Variants in STIM2 observed in about 807,000 individuals in gnomAD.
STIM2 encodes stromal interaction molecule 2.
Under a neutral mutation model 85.8 loss-of-function variants are expected in STIM2, and 31 were observed. The observed-to-expected ratio is 0.36, with a 90% CI of 0.27 to 0.49. The LOEUF (loss-of-function observed/expected upper bound fraction) is 0.49, where lower values mean the gene tolerates loss of function less well. STIM2 is among the 20% of genes least tolerant of loss of function. STIM2 has a pLI of 0.98. For synonymous variants in STIM2, 356 were observed against 331.1 expected (o/e 1.08, Z -0.82); for missense variants, 841 against 927.6 (o/e 0.91, Z 1.21).
chr4:26,964,139 G>C (rs1326645717), intron 3 of STIM2, among the ~76,000 whole-genome samples: 1 of 152,154 alleles, frequency 6.6e-6, no homozygotes, highest in Non-Finnish European at 1.5e-5. Flanking sequence ...GTCAGAGAAG[G>C]AGACCAGACT....
chr4:26,885,149 C>G (rs937696959), intron 1 of STIM2, among the ~76,000 whole-genome samples: 2 of 151,306 alleles, frequency 1.3e-5, no homozygotes, highest in Non-Finnish European at 2.9e-5. Flanking sequence ...TTCCACTGTT[C>G]ATGTTCAACC....
chr4:26,991,310 G>A (rs985285907), intron 3 of STIM2, among the ~76,000 whole-genome samples: 3 of 152,088 alleles, frequency 2.0e-5, no homozygotes, highest in African/African-American at 7.2e-5. Context: ...ATTATGTTAA[G>A]TGAAATAAAC....
intron 1 of STIM2, among the ~76,000 whole-genome samples, chr4:26,896,224 A>C (rs1041195080): frequency 6.6e-6 from 1 of 152,212 alleles, no homozygotes; most frequent in Non-Finnish European, 1.5e-5. Flanking sequence ...TCTCTTTCAC[A>C]CTTTTCATCT....
chr4:26,882,442 T>TTTCC (rs1279477905), intron 1 of STIM2, among the ~76,000 whole-genome samples: 4 of 144,000 alleles, frequency 2.8e-5, no homozygotes, highest in Admixed American at 6.7e-5. Context: ...CTTAAATTTC[T>TTTCC]TTCTTTCTTT....
In STIM2 at chr4:26,918,943, AC is replaced by A. The variant is rs549561458; in HGVS notation, c.152-560del. ...TTGTCATAGTTGAACCTAAGAACTT[AC>A]GTATTTTGAAAAAAGCTATATGGGT... On this transcript the variant is annotated intron_variant, in intron 1 of 11. Transcript: ENST00000467087. Among the ~76,000 whole-genome samples, 642 of 152,252 alleles carry A rather than the reference AC, an allele frequency of 4.2e-3. 3 individuals are homozygous for A. Among genetic ancestry groups the A allele is most frequent in the Non-Finnish European group, 7.0e-3 (474 of 67,996 alleles).
At chr4:26,921,529 T>G (rs763959397) in intron 2 of STIM2, among the ~76,000 whole-genome samples, 26 of 152,236 alleles carry the variant, frequency 1.7e-4, no homozygotes, top group Non-Finnish European at 2.6e-4. Context: ...CGGGCATGGC[T>G]GTTTTCCAAT....
chr4:26,892,396 C>T (rs1723526739), intron 1 of STIM2, among the ~76,000 whole-genome samples: 1 of 152,068 alleles, frequency 6.6e-6, no homozygotes, highest in Non-Finnish European at 1.5e-5. Context: ...GCAGAGAGAG[C>T]GAGTGAGCTC....
At chr4:26,884,129 T>C (rs1399054886) in intron 1 of STIM2, among the ~76,000 whole-genome samples, 1 of 152,200 alleles carries the variant, frequency 6.6e-6, no homozygotes, top group Non-Finnish European at 1.5e-5. Context: ...AAGTTGGGCT[T>C]GAGAGTTACA....
At chr4:26,945,648 G>A (rs1257449604) in intron 2 of STIM2, among the ~76,000 whole-genome samples, 4 of 152,202 alleles carry the variant, frequency 2.6e-5, no homozygotes, top group Admixed American at 2.0e-4. Flanking sequence ...CATTCTGACT[G>A]GTGTGCAGTG....
At chr4:26,865,399 G>A (rs1225732651) in intron 1 of STIM2, among the ~76,000 whole-genome samples, 2 of 152,120 alleles carry the variant, frequency 1.3e-5, no homozygotes, top group African/African-American at 4.8e-5. Context: ...TTAGAAAAGT[G>A]GATCCAAGAT....
In STIM2 at chr4:27,023,991, TAACACAAAA is replaced by T. The variant is rs1292703665; in HGVS notation, c.*1001_*1009del. On this transcript the variant is annotated 3_prime_UTR_variant, in exon 12 of 12. Coordinates refer to ENST00000467087, the MANE Select transcript of STIM2 (RefSeq NM_020860.4). ...GTGGGATTGTGCTGATTTTTGTTGA[TAACACAAAA>T]AACACTATGTTTTCTGGAGAGCTGT... 2 of 152,632 alleles carry T rather than the reference TAACACAAAA, an allele frequency of 1.3e-5. No individual in the cohort carries two copies. Among genetic ancestry groups the T allele is most frequent in the Non-Finnish European group, 2.9e-5 (2 of 68,018 alleles). 9.5% of individuals were successfully genotyped at this position (152,632 alleles called of 1,614,324 possible).
rs557183799 is a variant in STIM2, at chr4:26,984,979, C to T, written c.398-10400C>T. Among the ~76,000 whole-genome samples, 943 of 152,242 alleles carry T rather than the reference C, an allele frequency of 6.2e-3. 19 individuals carry two copies. The highest frequency in any genetic ancestry group is 0.022 in the African/African-American group (905 of 41,552). On this transcript the variant is annotated intron_variant, in intron 3 of 11. Coordinates refer to ENST00000467087, the MANE Select transcript of STIM2 (RefSeq NM_020860.4). ...TCTCTTTGGTACAATTACTAATATC[C>T]GAACTCAAGTTCAGGGTGTTGCTTT...
intron 1 of STIM2, among the ~76,000 whole-genome samples, chr4:26,872,249 ACT>A (rs1722647916): frequency 2.6e-5 from 4 of 152,116 alleles, no homozygotes; most frequent in Admixed American, 6.5e-5. Context: ...ATTAGTTAAA[ACT>A]CTGTAGAAAT....
At chr4:27,007,177 CT>C (rs147979817) in intron 7 of STIM2, among the ~76,000 whole-genome samples, 4,789 of 152,016 alleles carry the variant, frequency 0.032, 272 homozygotes, top group African/African-American at 0.11. Context: ...ATACCCTTGA[CT>C]TTTTTTTCCC....
chr4:26,883,408 C>T (rs1428259353), intron 1 of STIM2, among the ~76,000 whole-genome samples: 1 of 151,960 alleles, frequency 6.6e-6, no homozygotes, highest in East Asian at 1.9e-4. Flanking sequence ...TATGTATGCA[C>T]ATATATACCT....
chr4:26,877,621 G>GTTGAGTTAGTTT (rs1722860016), intron 1 of STIM2, among the ~76,000 whole-genome samples: 1 of 151,894 alleles, frequency 6.6e-6, no homozygotes, highest in Non-Finnish European at 1.5e-5. Context: ...GGTATGGTAG[G>GTTGAGTTAGTTT]TTGAGTTAGT....
chr4:26,997,466 C>T (rs1241681326), intron 4 of STIM2, among the ~76,000 whole-genome samples: 1 of 152,218 alleles, frequency 6.6e-6, no homozygotes, highest in African/African-American at 2.4e-5. Context: ...CACATACCAC[C>T]TCATTTCTTT....
At chr4:26,894,459 T>C (rs1312266929) in intron 1 of STIM2, among the ~76,000 whole-genome samples, 2 of 152,184 alleles carry the variant, frequency 1.3e-5, no homozygotes, top group South Asian at 2.1e-4. Flanking sequence ...TCACTGAGAA[T>C]TGATTTTGTG....
In STIM2 at chr4:26,860,847, G is replaced by A. The variant is rs1722134464; in HGVS notation, c.-372G>A. The A allele has an allele frequency of 1.4e-6, 1 of 730,288 alleles. No individual in the cohort carries two copies. Among genetic ancestry groups the A allele is most frequent in the Non-Finnish European group, 1.7e-6 (1 of 592,078 alleles). The allele number at this position is 730,288 out of a possible 1,614,324, so 45.2% of individuals were successfully genotyped here. A position where few individuals can be genotyped will look rare whatever the true frequency, so the allele number is the denominator to read the frequency against. ...GTTGGTGTTTGGCGGCGCCAGAGCA[G>A]CGGATCCCGGTCTCGCCGCAGCAGC... On this transcript the variant is annotated 5_prime_UTR_variant, in exon 1 of 12. Coordinates refer to ENST00000467087, the MANE Select transcript of STIM2 (RefSeq NM_020860.4).
Sources: gnomAD v4.1 joint callset for allele counts (sites outside exome capture counted in the v4.1 genomes callset) on GRCh38, gnomAD v4.1.1 for gene constraint, MANE v1.5 for transcripts, NCBI Gene and HGNC (gene_info 2026-07-23, HGNC 2026-07-21) for gene names.